Variants in HNRNPM observed in about 807,000 individuals in gnomAD.
The protein encoded by HNRNPM is heterogeneous nuclear ribonucleoprotein M.
HNRNPM carries 11 observed loss-of-function variants against 73.1 expected under a neutral mutation model. The observed-to-expected ratio is 0.15, with a 90% CI of 0.09 to 0.25. The LOEUF is 0.25. Among genes scored for constraint, HNRNPM ranks in the 10% least tolerant of loss-of-function variants. The pLI is 1.00. For missense variants in HNRNPM, 789 were observed against 1,067.9 expected (o/e 0.74, Z 3.64); for synonymous variants, 407 against 355.2 (o/e 1.15, Z -1.64).
chr19:8,484,660 T>C (rs1161111857), intron 13 of HNRNPM, among the ~76,000 whole-genome samples: 1 of 152,226 alleles, frequency 6.6e-6, no homozygotes, highest in African/African-American at 2.4e-5. Context: ...ACAGAGCCAG[T>C]TAGAGAAACT....
At chr19:8,478,142 A>G (rs1029306838) in intron 12 of HNRNPM, among the ~76,000 whole-genome samples, 1 of 152,152 alleles carries the variant, frequency 6.6e-6, no homozygotes, top group Non-Finnish European at 1.5e-5. Flanking sequence ...TGGTGTACCC[A>G]GTATTGTGGT....
At chr19:8,448,141 C>G (rs1968345169) in intron 1 of HNRNPM, among the ~76,000 whole-genome samples, 1 of 152,162 alleles carries the variant, frequency 6.6e-6, no homozygotes, top group Non-Finnish European at 1.5e-5. Context: ...CTTTGAGAGA[C>G]AGGAGAAAAA....
rs773831737 is a variant in HNRNPM, at chr19:8,473,644, A to G, written c.998-20A>G. 7.3e-6 allele frequency: 11 copies of G among 1,507,472 alleles called. No homozygotes were observed. The highest frequency in any genetic ancestry group is 1.7e-5 in the Admixed American group (1 of 57,458). The allele number at this position is 1,507,472 out of a possible 1,614,324, so 93.4% of individuals were successfully genotyped here. On this transcript the variant is annotated intron_variant, in intron 10 of 15. Coordinates refer to ENST00000325495, the MANE Select transcript of HNRNPM (RefSeq NM_005968.5). ...CTGCTTTGACATAATTTTAGTTTGC[A>G]TTGACTTTTTCTTTTTAAGGAATGG... is the stretch of plus-strand genomic sequence containing the variant.
At chr19:8,475,080 T>C (rs1286054555) in intron 12 of HNRNPM, among the ~76,000 whole-genome samples, 2 of 152,246 alleles carry the variant, frequency 1.3e-5, no homozygotes, top group African/African-American at 4.8e-5. Flanking sequence ...ATTTAGTCCT[T>C]GTGAGAACCA....
chr19:8,483,886 C>T (rs1971089651), intron 13 of HNRNPM, among the ~76,000 whole-genome samples: 1 of 152,186 alleles, frequency 6.6e-6, no homozygotes, highest in African/African-American at 2.4e-5. Flanking sequence ...CCACTTTAGC[C>T]TCCCAAGTAG....
rs1288616998 is a variant in HNRNPM at position 8,479,951 on chromosome 19, T to G, written c.1121-3207T>G. Among the ~76,000 whole-genome samples, 3 of 149,440 alleles carry G rather than the reference T, an allele frequency of 2.0e-5. No homozygotes were observed. In the East Asian group the frequency reaches 6.1e-4, roughly 30 times the overall value. On this transcript the variant is annotated intron_variant, in intron 12 of 15. Coordinates refer to ENST00000325495, the MANE Select transcript of HNRNPM (RefSeq NM_005968.5). ...CCCCATGTCCGGCTAATTTTTTGTA[T>G]TTTTGTAGAGATGGGGTTTCACCAT... is the stretch of plus-strand genomic sequence containing the variant.
intron 15 of HNRNPM, 184 bp downstream of exon 15, chr19:8,487,259 A>C (rs1971379781): frequency 1.5e-6 from 1 of 647,778 alleles, no homozygotes; most frequent in East Asian, 2.7e-5. Flanking sequence ...CATGTTTTTC[A>C]GCTGTGTTCT....
chr19:8,487,172 G>C (rs752802026), intron 15 of HNRNPM, 97 bp downstream of exon 15: 1 of 1,029,898 alleles, frequency 9.7e-7, no homozygotes, highest in Admixed American at 1.7e-5. Flanking sequence ...CCCTCCGTCG[G>C]CTCAGGACCC....
At chr19:8,454,740 C>T (rs1241656965) in intron 1 of HNRNPM, among the ~76,000 whole-genome samples, 1 of 133,238 alleles carries the variant, frequency 7.5e-6, no homozygotes, top group African/African-American at 2.7e-5. Context: ...ATTGGATGGG[C>T]CTATGTGTAC....
intron 12 of HNRNPM, among the ~76,000 whole-genome samples, chr19:8,482,066 G>T (rs1306139000): frequency 1.3e-5 from 2 of 151,364 alleles, no homozygotes. Flanking sequence ...TCTGCCTCCA[G>T]GGTTCAAGCG....
At chr19:8,467,349 C>T (rs1296641695) in intron 7 of HNRNPM, among the ~76,000 whole-genome samples, 186 bp from the exon 8 acceptor site, 2 of 152,164 alleles carry the variant, frequency 1.3e-5, no homozygotes, top group Non-Finnish European at 2.9e-5. Flanking sequence ...GTTGTCTTGT[C>T]CTCCCCGCCA....
chr19:8,445,089 A>C lies in HNRNPM; in HGVS notation c.91A>C (p.Asn31His). The C allele has an allele frequency of 7.0e-7, 1 of 1,422,260 alleles. No individual in the cohort carries two copies. Among genetic ancestry groups the C allele is most frequent in the Non-Finnish European group, 9.2e-7 (1 of 1,087,600 alleles). 88.1% of individuals were successfully genotyped at this position (1,422,260 alleles called of 1,614,324 possible). The change falls in exon 1 of 16, where the codon AAC (asparagine) becomes CAC (histidine). Residue 31 changes from asparagine (N) to histidine (H), a missense_variant. Coordinates refer to ENST00000325495, the MANE Select transcript of HNRNPM (RefSeq NM_005968.5). ...CGGCGCGCCCGGCGTGCCGAGCGGCAACGGGGCTCCGGGCCCTAAGGGGTG... is the reference window on the plus strand; with the variant it reads ...CGGCGCGCCCGGCGTGCCGAGCGGCCACGGGGCTCCGGGCCCTAAGGGGTG... ...ESGAPGVPSG[N>H]GAPGPKGEGE...
intron 3 of HNRNPM, among the ~76,000 whole-genome samples, chr19:8,463,277 G>A (rs753073026): frequency 3.6e-4 from 55 of 152,266 alleles, no homozygotes; most frequent in South Asian, 1.0e-3. Flanking sequence ...TGCTGGTAAC[G>A]CGTAGGAGAA....
chr19:8,468,913 T>C, intron 9 of HNRNPM, 79 bp downstream of exon 9: 1 of 1,180,550 alleles, frequency 8.5e-7, no homozygotes, highest in Non-Finnish European at 1.3e-6. Context: ...ATGGTTTCAC[T>C]TGAACCTGTG....
rs1182944924 is a variant in HNRNPM, at chr19:8,463,650, G to A, written c.402G>A (p.Lys134=). ...AAAAAGCTGCGGAAGTCCTAAACAA[G>A]CATAGTCTGAGCGGAAGACCACTGA... ...SMKKAAEVLN[K]HSLSGRPLKV... Residue 134 remains lysine (K), a synonymous_variant, in exon 5 of 16, where the codon AAG becomes AAA. Transcript: ENST00000325495. 5 of 1,613,740 alleles carry A rather than the reference G, an allele frequency of 3.1e-6. No homozygotes were observed. The African/African-American group carries it at 6.7e-5, about 22-fold the overall frequency.
intron 9 of HNRNPM, among the ~76,000 whole-genome samples, chr19:8,469,689 CAG>C (rs1168784200): frequency 2.0e-5 from 3 of 152,154 alleles, no homozygotes; most frequent in South Asian, 2.1e-4. Context: ...TGGGACGACT[CAG>C]GGAATCACTG....
rs1408153721 is a variant in HNRNPM at position 8,468,851 on chromosome 19, T to G, written c.895+17T>G. ...AACTTCCCCGTAAGTGTTTCAGTGA[T>G]TAGGGCTGAGAGTTTGAATTGGAGT... On this transcript the variant is annotated intron_variant, in intron 9 of 15. Coordinates refer to ENST00000325495, the MANE Select transcript of HNRNPM (RefSeq NM_005968.5). 1.3e-6 allele frequency: 2 copies of G among 1,599,890 alleles called. No homozygotes were observed. The highest frequency in any genetic ancestry group is 1.7e-6 in the Non-Finnish European group (2 of 1,167,092).
rs189116129 is a variant in HNRNPM, at chr19:8,483,238, G to A, written c.1174+27G>A. ...TAGGAACCGCTTAGTTTGATGTTTT[G>A]TTTTTTTAGAACAGGCTGTTATCGC... On this transcript the variant is annotated intron_variant, in intron 13 of 15. Transcript: ENST00000325495. 134 of 1,588,866 alleles carry A rather than the reference G, an allele frequency of 8.4e-5. 1 individual carries two copies. In the East Asian group the frequency reaches 2.0e-3, roughly 24 times the overall value.
At chr19:8,464,791 G>C (rs1969630809) in intron 5 of HNRNPM, among the ~76,000 whole-genome samples, 2 of 152,256 alleles carry the variant, frequency 1.3e-5, no homozygotes, top group Middle Eastern at 6.8e-3. Context: ...TTGAAGAAGA[G>C]AGTCAGTACA....
Sources: allele counts gnomAD v4.1 joint callset (sites outside exome capture counted in the v4.1 genomes callset), GRCh38; gene constraint gnomAD v4.1.1; transcripts MANE v1.5; gene names NCBI Gene and HGNC (gene_info 2026-07-23, HGNC 2026-07-21).